CNTLN: variants seen among roughly 807,000 people sequenced by gnomAD.
CNTLN encodes the protein centlein, centrosomal protein.
CNTLN carries 212 observed loss-of-function variants against 180.0 expected under a neutral mutation model. That is an observed-to-expected ratio of 1.18 (90% CI 1.05 to 1.32). The LOEUF (loss-of-function observed/expected upper bound fraction) is 1.32, where lower values mean the gene tolerates loss of function less well. Ranked by LOEUF, CNTLN falls within the 40% of genes most tolerant of loss-of-function variation. CNTLN has a pLI of 0.00. For synonymous variants in CNTLN, 722 were observed against 563.1 expected (o/e 1.28, Z -3.99); for missense variants, 2,095 against 1,610.9 (o/e 1.30, Z -5.14).
chr9:17,291,214 C>G (rs898834090), intron 6 of CNTLN, among the ~76,000 whole-genome samples: 2 of 152,100 alleles, frequency 1.3e-5, no homozygotes, highest in Non-Finnish European at 2.9e-5. Flanking sequence ...GTGTTTTACT[C>G]CCAAGTACGT....
intron 25 of CNTLN, among the ~76,000 whole-genome samples, chr9:17,491,465 C>T (rs1833158795): frequency 6.6e-6 from 1 of 152,036 alleles, no homozygotes; most frequent in African/African-American, 2.4e-5. Flanking sequence ...ACAAATATTA[C>T]ATAGTTATAA....
chr9:17,409,336 A>G lies in CNTLN; in HGVS notation c.2659A>G (p.Ile887Val), dbSNP rs757657807. The G allele has an allele frequency of 2.8e-5, 45 of 1,613,280 alleles. No homozygotes were observed. The East Asian group carries it at 9.2e-4, about 33-fold the overall frequency. The part of the protein sequence containing the change: ...AQTSQTLGTI[I>V]VETSQKISPT... ...GACCTCTCAAACTTTGGGAACAATT[A>G]TTGTAGAAACATCCCAGAAAATAAG... Residue 887 changes from isoleucine (I) to valine (V), a missense_variant, in exon 16 of 26, where the codon ATT (isoleucine) becomes GTT (valine). By Grantham distance (29) the Ile-to-Val change is conservative (BLOSUM62 3). Coordinates refer to ENST00000380647, the MANE Select transcript of CNTLN (RefSeq NM_017738.4).
At chr9:17,233,888 C>T (rs1486078184) in intron 3 of CNTLN, among the ~76,000 whole-genome samples, 1 of 151,844 alleles carries the variant, frequency 6.6e-6, no homozygotes, top group East Asian at 1.9e-4. Flanking sequence ...AAAAGCAAGG[C>T]AAAGATAAGA....
At chr9:17,440,481 C>T (rs369915396) in intron 18 of CNTLN, among the ~76,000 whole-genome samples, 7 of 148,736 alleles carry the variant, frequency 4.7e-5, no homozygotes, top group East Asian at 4.0e-4. Context: ...CCCAGCTATT[C>T]GAGAGGCTGA....
At chr9:17,169,410 A>G (rs568928592) in intron 2 of CNTLN, among the ~76,000 whole-genome samples, 1 of 152,176 alleles carries the variant, frequency 6.6e-6, no homozygotes, top group African/African-American at 2.4e-5. Context: ...GAATTGTTGA[A>G]TATGGTTCTC....
chr9:17,414,844 C>G (rs1401816263), intron 16 of CNTLN, among the ~76,000 whole-genome samples: 1 of 152,180 alleles, frequency 6.6e-6, no homozygotes, highest in South Asian at 2.1e-4. Flanking sequence ...AATCCCAACA[C>G]TTTTGGAGGC....
intron 23 of CNTLN, among the ~76,000 whole-genome samples, chr9:17,476,116 A>G (rs892950760): frequency 6.6e-6 from 1 of 151,734 alleles, no homozygotes; most frequent in Non-Finnish European, 1.5e-5. Flanking sequence ...GTTCATTATT[A>G]TTCTATCTGT....
In CNTLN at chr9:17,273,873, A is replaced by G. The variant is rs776149375; in HGVS notation, c.983+7A>G. ...TGGATATTACCCTGGTCAGGCAAGTATATTCAATTTTTAATTTAACATCAT... is the reference window on the plus strand; with the variant it reads ...TGGATATTACCCTGGTCAGGCAAGTGTATTCAATTTTTAATTTAACATCAT... On this transcript the variant is annotated splice_region_variant and intron_variant, in intron 6 of 25. Coordinates refer to ENST00000380647, the MANE Select transcript of CNTLN (RefSeq NM_017738.4). The G allele has an allele frequency of 2.0e-6, 3 of 1,536,822 alleles. No individual in the cohort carries two copies. The highest frequency in any genetic ancestry group is 2.5e-5 in the South Asian group (2 of 78,436).
chr9:17,457,977 A>G (rs77610326), intron 19 of CNTLN, among the ~76,000 whole-genome samples: 7,991 of 151,960 alleles, frequency 0.053, 682 homozygotes, highest in African/African-American at 0.18. Flanking sequence ...CTGCTACTCT[A>G]ATACTTCTTT....
intron 12 of CNTLN, among the ~76,000 whole-genome samples, chr9:17,344,801 C>G (rs1821752631): frequency 6.6e-6 from 1 of 151,958 alleles, no homozygotes; most frequent in South Asian, 2.1e-4. Context: ...TGAGTTATAT[C>G]ATATATATAA....
At chr9:17,161,967 A>G (rs1219866697) in intron 2 of CNTLN, among the ~76,000 whole-genome samples, 1 of 151,772 alleles carries the variant, frequency 6.6e-6, no homozygotes, top group African/African-American at 2.4e-5. Flanking sequence ...TTTTCCATCA[A>G]TAGTTATTTG....
chr9:17,201,895 C>G (rs944755112), intron 2 of CNTLN, among the ~76,000 whole-genome samples: 2 of 151,908 alleles, frequency 1.3e-5, no homozygotes, highest in African/African-American at 4.8e-5. Flanking sequence ...TTTGTTTGCT[C>G]TTGATTCTGT....
At chr9:17,214,694 A>G (rs969992315) in intron 2 of CNTLN, among the ~76,000 whole-genome samples, 7 of 152,174 alleles carry the variant, frequency 4.6e-5, no homozygotes, top group African/African-American at 9.7e-5. Flanking sequence ...AGGTACACCA[A>G]TTAGATGTAG....
chr9:17,524,465 G>A, the CNTLN span, among the ~76,000 whole-genome samples: 2 of 152,154 alleles, frequency 1.3e-5, no homozygotes, highest in South Asian at 2.1e-4. Context: ...TAATTAGAGA[G>A]GGCAGTCTGC....
At chr9:17,446,048 A>G (rs1250690557) in intron 18 of CNTLN, among the ~76,000 whole-genome samples, 2 of 152,182 alleles carry the variant, frequency 1.3e-5, no homozygotes, top group Non-Finnish European at 2.9e-5. Context: ...TACATTGTCT[A>G]TGATGCAAAG....
chr9:17,258,240 T>C (rs1826664844), intron 5 of CNTLN, among the ~76,000 whole-genome samples: 2 of 146,900 alleles, frequency 1.4e-5, no homozygotes, highest in African/African-American at 2.6e-5. Context: ...AGGGAATCCT[T>C]TCCCCATTGC....
chr9:17,298,762 C>G, intron 7 of CNTLN: 3 of 988,436 alleles, frequency 3.0e-6, no homozygotes, highest in Non-Finnish European at 3.6e-6. Flanking sequence ...TTCACAAATA[C>G]AAAGGGGATT....
chr9:17,340,743 A>T, intron 10 of CNTLN, 84 bp from the exon 11 acceptor site: 1 of 1,178,616 alleles, frequency 8.5e-7, no homozygotes, highest in Non-Finnish European at 1.1e-6. Flanking sequence ...CAAATTTCAT[A>T]TTTAGATGGG....
At chr9:17,405,201 A>G (rs1190074797) in intron 15 of CNTLN, among the ~76,000 whole-genome samples, 1 of 151,568 alleles carries the variant, frequency 6.6e-6, no homozygotes, top group Non-Finnish European at 1.5e-5. Flanking sequence ...TCTCACTGAT[A>G]TTTAACTTCA....
Sources: allele counts gnomAD v4.1 joint callset (sites outside exome capture counted in the v4.1 genomes callset), GRCh38; gene constraint gnomAD v4.1.1; transcripts MANE v1.5; gene names NCBI Gene and HGNC (gene_info 2026-07-23, HGNC 2026-07-21).